The following PSME3 variants were observed in gnomAD, a reference collection of about 807,000 sequenced individuals.
The protein encoded by PSME3 is proteasome activator subunit 3.
PSME3 carries 7 observed loss-of-function variants against 38.3 expected under a neutral mutation model. The ratio of observed to expected loss-of-function variants is 0.18; its 90% CI spans 0.10 to 0.34. PSME3 has a LOEUF of 0.34. Ranked by LOEUF, PSME3 falls within the 10% of genes least tolerant of loss-of-function variation. The pLI is 1.00. For missense variants in PSME3, 192 were observed against 307.6 expected, an observed-to-expected ratio of 0.62 and a Z score of 2.81; for synonymous variants, 108 against 105.7, an observed-to-expected ratio of 1.02 and a Z score of -0.13.
At chr17:42,836,118 C>T (rs2055460332) in intron 4 of PSME3, among the ~76,000 whole-genome samples, 3 of 151,866 alleles carry the variant, frequency 2.0e-5, no homozygotes, top group Admixed American at 6.6e-5. Flanking sequence ...GATTCTCCCA[C>T]CTCAGCCTCC....
At chr17:42,834,439 AG>A in intron 2 of PSME3, 63 bp downstream of exon 2, 2 of 372,472 alleles carry the variant, frequency 5.4e-6, no homozygotes, top group Non-Finnish European at 7.9e-6. Flanking sequence ...AGATACCTGG[AG>A]AGAGAGAGAG....
At position 42,839,303 on chromosome 17, in the gene PSME3, C is replaced by T; in HGVS notation, c.607C>T (p.Arg203Cys). The change falls in exon 10 of 11, where the codon CGC becomes TGC. Residue 203 changes from arginine to cysteine, a missense_variant. Coordinates refer to ENST00000590720, the MANE Select transcript of PSME3 (RefSeq NM_005789.4). ...IAKYPHVEDY[R>C]RTVTEIDEKE... ...TGTACCCTCCTTGCAGGAGGACTATCGCCGCACCGTGACAGAGATTGATGA... is the reference window on the plus strand; with the variant it reads ...TGTACCCTCCTTGCAGGAGGACTATTGCCGCACCGTGACAGAGATTGATGA... 1.2e-6 allele frequency: 2 copies of T among 1,613,518 alleles called. No homozygotes were observed. The highest frequency in any genetic ancestry group is 1.7e-6 in the Non-Finnish European group (2 of 1,179,478).
At chr17:42,839,064 C>T (rs2055498321) in intron 8 of PSME3, 48 bp from the exon 9 acceptor site, 1 of 1,599,206 alleles carries the variant, frequency 6.3e-7, no homozygotes, top group African/African-American at 1.3e-5. Context: ...AGGTGGTGGG[C>T]ACCATCAAGG....
At chr17:42,838,239 C>G in intron 6 of PSME3, 34 bp downstream of exon 6, 1 of 1,612,284 alleles carries the variant, frequency 6.2e-7, no homozygotes, top group Non-Finnish European at 8.5e-7. Flanking sequence ...TGGGCCGGCC[C>G]CAAGTACCCC....
rs1011759344 is a variant in PSME3 at position 42,843,074 on chromosome 17, G to A, written c.*1496G>A. On this transcript the variant is annotated 3_prime_UTR_variant, in exon 11 of 11. Coordinates refer to ENST00000590720, the MANE Select transcript of PSME3 (RefSeq NM_005789.4). ...CCACCCACCCTCCAGATCCCTTCCA[G>A]CTAAAACCCTTCCCCCTTCCCTCCA... 1 of 152,580 alleles carries A rather than the reference G, an allele frequency of 6.6e-6. No homozygotes were observed. The allele number at this position is 152,580 out of a possible 1,614,324, so 9.5% of individuals were successfully genotyped here.
At chr17:42,834,052 T>G in intron 1 of PSME3, 1 of 1,442,718 alleles carries the variant, frequency 6.9e-7, no homozygotes, top group Non-Finnish European at 9.0e-7. Flanking sequence ...TGAGCTCACA[T>G]CTTCCCTAAC....
rs2055499257 is a variant in PSME3 at position 42,839,118 on chromosome 17, T to C, written c.549T>C (p.Tyr183=). The C allele has an allele frequency of 1.3e-6, 2 of 1,591,740 alleles. No individual in the cohort carries two copies. Among genetic ancestry groups the C allele is most frequent in the Non-Finnish European group, 8.6e-7 (1 of 1,159,694 alleles). ...CTCTTCTCTCTCTTTCCAGATATTATATTACAAGAGCCAAATTGGTTTCTA... is the reference window on the plus strand; with the variant it reads ...CTCTTCTCTCTCTTTCCAGATATTACATTACAAGAGCCAAATTGGTTTCTA... ...ASYLDQISRY[Y]ITRAKLVSKI... The change falls in exon 9 of 11, where the codon TAT becomes TAC. Residue 183 remains tyrosine, a synonymous_variant. Transcript: ENST00000590720.
At chr17:42,836,723 A>T (rs1156259480) in intron 4 of PSME3, among the ~76,000 whole-genome samples, 3 of 151,674 alleles carry the variant, frequency 2.0e-5, no homozygotes, top group African/African-American at 7.3e-5. Context: ...CATCACATTC[A>T]GCTAGTTTTT....
chr17:42,839,371 G>C lies in PSME3; in HGVS notation c.675G>C (p.Arg225Ser), dbSNP rs756049844. The change falls in exon 10 of 11, where the codon AGG (arginine) becomes AGC (serine). Residue 225 changes from arginine (R) to serine (S), a missense_variant. Transcript: ENST00000590720. ...TTCGGCTCATCATATCAGAGCTGAG[G>C]AATCAATATGTGAGTAATCTCAGTC... ...ISLRLIISEL[R>S]NQYVTLHDMI... is the part of the protein sequence containing the mutation. 1 of 1,603,950 alleles carries C rather than the reference G, an allele frequency of 6.2e-7. No individual in the cohort carries two copies. The highest frequency in any genetic ancestry group is 8.5e-7 in the Non-Finnish European group (1 of 1,171,488).
chr17:42,837,145 G>A (rs746680010), intron 4 of PSME3, among the ~76,000 whole-genome samples: 1 of 152,060 alleles, frequency 6.6e-6, no homozygotes, highest in African/African-American at 2.4e-5. Flanking sequence ...TCTGCTTCCT[G>A]GGTTCAAGCA....
intron 4 of PSME3, among the ~76,000 whole-genome samples, chr17:42,835,602 G>A (rs920835096): frequency 6.6e-6 from 1 of 151,978 alleles, no homozygotes; most frequent in Non-Finnish European, 1.5e-5. Flanking sequence ...GTGGGCCCCT[G>A]TAGTCCCAGC....
chr17:42,835,024 T>C (rs1032369634), intron 4 of PSME3, 148 bp downstream of exon 4: 105 of 1,104,636 alleles, frequency 9.5e-5, no homozygotes, highest in Non-Finnish European at 1.2e-4. Context: ...CTAGTATAGT[T>C]CTTTTATTTC....
At chr17:42,839,053 G>A in intron 8 of PSME3, 41 bp downstream of exon 8, 1 of 1,605,172 alleles carries the variant, frequency 6.2e-7, no homozygotes, top group Non-Finnish European at 8.5e-7. Flanking sequence ...GGGGGCTGAT[G>A]AGGTGGTGGG....
At chr17:42,838,334 G>T (rs1246050199) in intron 6 of PSME3, 129 bp downstream of exon 6, 1 of 1,443,614 alleles carries the variant, frequency 6.9e-7, no homozygotes, top group Admixed American at 2.5e-5. Flanking sequence ...TTGAGATGGG[G>T]TCTCGCTCCA....
rs760037001 is a variant in PSME3 at position 42,839,306 on chromosome 17, C to T, written c.610C>T (p.Arg204Cys). ...AKYPHVEDYRRTVTEIDEKEY... is the reference protein window; with the variant it reads ...AKYPHVEDYRCTVTEIDEKEY... ...ACCCTCCTTGCAGGAGGACTATCGC[C>T]GCACCGTGACAGAGATTGATGAGAA... is the stretch of plus-strand genomic sequence containing the variant. The change falls in exon 10 of 11, where the codon CGC (arginine) becomes TGC (cysteine). Residue 204 changes from arginine to cysteine, a missense_variant. By Grantham distance (180) the Arg-to-Cys change is radical. Coordinates refer to ENST00000590720, the MANE Select transcript of PSME3 (RefSeq NM_005789.4). The T allele has an allele frequency of 9.9e-6, 16 of 1,613,616 alleles. No individual in the cohort carries two copies. The highest frequency in any genetic ancestry group is 1.7e-4 in the Middle Eastern group (1 of 6,050).
At chr17:42,839,710 G>T (rs1375460598) in intron 10 of PSME3, among the ~76,000 whole-genome samples, 1 of 152,130 alleles carries the variant, frequency 6.6e-6, no homozygotes, top group African/African-American at 2.4e-5. Flanking sequence ...TTTAAAATGG[G>T]ACTGGGCTGG....
chr17:42,834,662 TTC>T (rs1376435403), intron 3 of PSME3, 85 bp downstream of exon 3: 11 of 1,599,562 alleles, frequency 6.9e-6, no homozygotes, highest in Non-Finnish European at 9.4e-6. Context: ...TTGATTCTTC[TTC>T]TTTTTATTTT....
chr17:42,834,963 A>AT, intron 4 of PSME3, 87 bp downstream of exon 4: 1 of 1,560,286 alleles, frequency 6.4e-7, no homozygotes, highest in Non-Finnish European at 8.7e-7. Context: ...TACAGAGGGA[A>AT]CAGTGGGATT....
chr17:42,834,689 G>A, intron 3 of PSME3, 83 bp from the exon 4 acceptor site: 2 of 1,603,830 alleles, frequency 1.2e-6, no homozygotes, highest in Admixed American at 1.7e-5. Flanking sequence ...AACTGTAAAA[G>A]CACTTTCATT....
Sources: allele counts gnomAD v4.1 joint callset (sites outside exome capture counted in the v4.1 genomes callset), GRCh38; gene constraint gnomAD v4.1.1; transcripts MANE v1.5; gene names NCBI Gene and HGNC (gene_info 2026-07-23, HGNC 2026-07-21).